Variants in MNS1 observed in about 807,000 individuals in gnomAD.
MNS1 encodes the protein meiosis-specific nuclear structural protein 1.
MNS1 carries 63 observed loss-of-function variants against 72.0 expected under a neutral mutation model. The observed-to-expected ratio is 0.87, with a 90% CI of 0.71 to 1.08. The LOEUF (loss-of-function observed/expected upper bound fraction) is 1.08, where lower values mean the gene tolerates loss of function less well. Ranked by LOEUF, MNS1 falls within the 50% of genes least tolerant of loss-of-function variation. The pLI is 0.00. For synonymous variants in MNS1, 188 were observed against 172.1 expected (o/e 1.09, Z -0.72); for missense variants, 604 against 562.4 (o/e 1.07, Z -0.75).
intron 2 of MNS1, among the ~76,000 whole-genome samples, chr15:56,460,943 G>C (rs1459198887): frequency 6.6e-6 from 1 of 152,150 alleles, no homozygotes; most frequent in Non-Finnish European, 1.5e-5. Context: ...GGAACTAATG[G>C]TTTTGTTCTA....
At chr15:56,447,706 G>C (rs757748303) in intron 3 of MNS1, 1 of 152,070 alleles carries the variant, frequency 6.6e-6, no homozygotes, top group Admixed American at 6.6e-5. Context: ...GATACAGTTT[G>C]ATAAGTTTTT....
At chr15:56,457,501 C>T (rs2050988888) in intron 2 of MNS1, among the ~76,000 whole-genome samples, 1 of 152,184 alleles carries the variant, frequency 6.6e-6, no homozygotes, top group South Asian at 2.1e-4. Flanking sequence ...TACAGGCATT[C>T]TGAAAATCAG....
At position 56,446,941 on chromosome 15, in the gene MNS1, A is replaced by G. The variant is rs1199287113; in HGVS notation, c.356T>C (p.Ile119Thr). 3 of 1,604,268 alleles carry G rather than the reference A, an allele frequency of 1.9e-6. No individual in the cohort carries two copies. Among genetic ancestry groups the G allele is most frequent in the Middle Eastern group, 1.6e-4 (1 of 6,062 alleles). Residue 119 changes from isoleucine to threonine, a missense_variant and splice_region_variant, in exon 4 of 10, where the codon ATT (isoleucine) becomes ACT (threonine). Coordinates refer to ENST00000260453, the MANE Select transcript of MNS1 (RefSeq NM_018365.4). Reference sequence around the variant, plus strand: ...TTTCTTCTCCAATTCTCTAAGCTCAATGCTGTTTAAAAAAACAAAAACAAA... The same window carrying G: ...TTTCTTCTCCAATTCTCTAAGCTCAGTGCTGTTTAAAAAAACAAAAACAAA... Reference protein sequence around the residue: ...KMRQQVRENSIELRELEKKLK... With the variant: ...KMRQQVRENSTELRELEKKLK...
Position 56,464,867 on chromosome 15 carries a change from G to A in MNS1, c.3+103C>T. The A allele has an allele frequency of 2.0e-6, 3 of 1,491,056 alleles. 1 individual carries two copies. The highest frequency in any genetic ancestry group is 1.8e-4 in the Middle Eastern group (1 of 5,704). The allele number at this position is 1,491,056 out of a possible 1,614,324, so 92.4% of individuals were successfully genotyped here. A position where few individuals can be genotyped will look rare whatever the true frequency, so the allele number is the denominator to read the frequency against. Reference sequence around the variant, plus strand: ...AGCAAATACAAGTTCCCCAATTAATGACCAGATTAAGCACTTAAAATCCTT... The same window carrying A: ...AGCAAATACAAGTTCCCCAATTAATAACCAGATTAAGCACTTAAAATCCTT... On this transcript the variant is annotated intron_variant, in intron 1 of 9. Transcript: ENST00000260453.
Position 56,462,876 on chromosome 15 carries a change from C to T in MNS1, c.225+1150G>A, listed in dbSNP as rs544669165. The stretch of plus-strand genomic sequence containing the variant: ...TATGTAGGAAAGAGTTGGTGTGATA[C>T]CTGGGATATTCTTTCAAATTAAAGA... On this transcript the variant is annotated intron_variant, in intron 2 of 9. Coordinates refer to ENST00000260453, the MANE Select transcript of MNS1 (RefSeq NM_018365.4). 1.1e-4 allele frequency among the ~76,000 whole-genome samples: 16 copies of T among 151,888 alleles called. No individual in the cohort carries two copies. The South Asian group carries it at 2.1e-3, about 20-fold the overall frequency.
chr15:56,452,323 C>T (rs186938162), intron 3 of MNS1, among the ~76,000 whole-genome samples: 10 of 152,222 alleles, frequency 6.6e-5, no homozygotes, highest in Middle Eastern at 3.4e-3. Flanking sequence ...ACACAGGACA[C>T]GCTTAATTCC....
At chr15:56,459,500 G>C (rs1286640243) in intron 2 of MNS1, among the ~76,000 whole-genome samples, 3 of 152,128 alleles carry the variant, frequency 2.0e-5, no homozygotes, top group African/African-American at 7.2e-5. Flanking sequence ...ACCACACCTA[G>C]ATTTCTGACT....
chr15:56,464,373 A>T (rs1284366441), intron 1 of MNS1, 126 bp from the exon 2 acceptor site: 4 of 684,454 alleles, frequency 5.8e-6, no homozygotes, highest in Non-Finnish European at 4.9e-6. Context: ...AATTCAAAGG[A>T]GTATACCGAA....
chr15:56,464,237 C>T lies in MNS1; in HGVS notation c.14G>A (p.Arg5Lys), dbSNP rs758403871. Residue 5 changes from arginine (R) to lysine (K), a missense_variant, in exon 2 of 10, where the codon AGG (arginine) becomes AAG (lysine). By Grantham distance (26) the Arg-to-Lys change is conservative. Coordinates refer to ENST00000260453, the MANE Select transcript of MNS1 (RefSeq NM_018365.4). MGSK[R>K]RNLSCSERHQ... ...CCTTTCACTACAGCTCAAATTTCTC[C>T]TTTTGGAACCCTACGATGGAAGAAA... 8.8e-6 allele frequency: 14 copies of T among 1,599,254 alleles called. No individual in the cohort carries two copies.
intron 2 of MNS1, among the ~76,000 whole-genome samples, chr15:56,460,071 C>T (rs1336475047): frequency 1.5e-5 from 2 of 129,164 alleles, no homozygotes; most frequent in Non-Finnish European, 3.2e-5. Context: ...AGCTTGAGGA[C>T]AGCCACTCAG....
intron 6 of MNS1, 21 bp from the exon 7 acceptor site, chr15:56,443,558 C>T (rs374001037): frequency 1.0e-4 from 157 of 1,573,404 alleles, no homozygotes; most frequent in Non-Finnish European, 1.3e-4. Context: ...TTTTAAAAAA[C>T]ATAAATATTT....
intron 7 of MNS1, among the ~76,000 whole-genome samples, chr15:56,440,363 G>C (rs1258541271): frequency 6.6e-6 from 1 of 152,200 alleles, no homozygotes; most frequent in Non-Finnish European, 1.5e-5. Context: ...ATATATTTCT[G>C]ATGGGAATGT....
intron 7 of MNS1, among the ~76,000 whole-genome samples, chr15:56,442,009 G>A (rs1320716009): frequency 1.3e-5 from 2 of 151,840 alleles, no homozygotes; most frequent in Non-Finnish European, 2.9e-5. Flanking sequence ...GACAGAGCGA[G>A]ACTCCCATCT....
intron 8 of MNS1, among the ~76,000 whole-genome samples, chr15:56,432,195 T>C (rs1213264606): frequency 2.0e-5 from 3 of 152,188 alleles, no homozygotes; most frequent in African/African-American, 7.2e-5. Context: ...AGAGTCTACT[T>C]TGGGCTAATG....
At chr15:56,447,047 T>A in intron 3 of MNS1, 104 bp from the exon 4 acceptor site, 1 of 730,246 alleles carries the variant, frequency 1.4e-6, no homozygotes, top group Non-Finnish European at 2.3e-6. Flanking sequence ...AAAGAGGGAA[T>A]ACAGCGGGTA....
intron 2 of MNS1, among the ~76,000 whole-genome samples, chr15:56,462,377 A>G (rs1466050203): frequency 2.6e-5 from 4 of 152,138 alleles, no homozygotes; most frequent in African/African-American, 4.8e-5. Flanking sequence ...AAGTGGAACA[A>G]CCAGACCTCA....
At chr15:56,433,634 G>A (rs1400240051) in intron 8 of MNS1, among the ~76,000 whole-genome samples, 1 of 151,836 alleles carries the variant, frequency 6.6e-6, no homozygotes, top group Non-Finnish European at 1.5e-5. Flanking sequence ...CCCTATCTCC[G>A]AGCTTACTCA....
Position 56,465,127 on chromosome 15 carries a change from C to G in MNS1, c.-155G>C, listed in dbSNP as rs538472512. On this transcript the variant is annotated 5_prime_UTR_variant, in exon 1 of 10. Coordinates refer to ENST00000260453, the MANE Select transcript of MNS1 (RefSeq NM_018365.4). ...ACGGTGGAGCTGCGCGCCCTCCGCT[C>G]GACCAAAAGTGACCCACGCAGAACG... 6 of 963,356 alleles carry G rather than the reference C, an allele frequency of 6.2e-6. No homozygotes were observed. The highest frequency in any genetic ancestry group is 4.7e-5 in the Admixed American group (2 of 42,832). 59.7% of individuals were successfully genotyped at this position (963,356 alleles called of 1,614,324 possible).
chr15:56,444,680 T>G lies in MNS1; in HGVS notation c.457-7A>C, dbSNP rs189338493. ...CTATTTCAGCATCACGTTTCTGTTA[T>G]TAAAACAAAATTGATCTTTCCGTTT... On this transcript the variant is annotated splice_polypyrimidine_tract_variant and splice_region_variant and intron_variant, in intron 4 of 9. Coordinates refer to ENST00000260453, the MANE Select transcript of MNS1 (RefSeq NM_018365.4). The G allele has an allele frequency of 3.2e-3, 5,157 of 1,605,218 alleles. 34 individuals carry two copies. Among genetic ancestry groups the G allele is most frequent in the South Asian group, 6.1e-3 (548 of 89,986 alleles).
Sources: gnomAD v4.1 joint callset for allele counts (sites outside exome capture counted in the v4.1 genomes callset) on GRCh38, gnomAD v4.1.1 for gene constraint, MANE v1.5 for transcripts, NCBI Gene and HGNC (gene_info 2026-07-23, HGNC 2026-07-21) for gene names.